Variants in GANAB observed in about 807,000 individuals in gnomAD.
The protein encoded by GANAB is glucosidase II alpha subunit.
GANAB carries 35 observed loss-of-function variants against 129.9 expected under a neutral mutation model. The ratio of observed to expected loss-of-function variants is 0.27; its 90% CI spans 0.21 to 0.36. The LOEUF (loss-of-function observed/expected upper bound fraction) is 0.36. Ranked by LOEUF, GANAB falls within the 10% of genes least tolerant of loss-of-function variation. The probability of loss-of-function intolerance (pLI) is 1.00; values close to 1 mark genes in which losing one functional copy is unlikely to be tolerated. For missense variants in GANAB, 939 were observed against 1,221.0 expected (o/e 0.77, Z 3.44); for synonymous variants, 482 against 451.8 (o/e 1.07, Z -0.85).
chr11:62,634,936 T>C lies in GANAB; in HGVS notation c.445A>G (p.Ile149Val). ...CGGAATGGCCGTGCTGTCAAGATGATCTTGTAGGGTCCCTCAGCCATGGTT... is the reference window on the plus strand; with the variant it reads ...CGGAATGGCCGTGCTGTCAAGATGACCTTGTAGGGTCCCTCAGCCATGGTT... ...ELTMAEGPYK[I>V]ILTARPFRLD... Residue 149 changes from isoleucine (I) to valine (V), a missense_variant, in exon 5 of 24, where the codon ATC becomes GTC. Around this residue, in one of 5 missense-constraint regions of GANAB, gnomAD observed 321 missense variants for 329.1 expected, o/e 0.98. Transcript: ENST00000356638. 1 of 1,613,836 alleles carries C rather than the reference T, an allele frequency of 6.2e-7. No individual in the cohort carries two copies. Among genetic ancestry groups the C allele is most frequent in the Non-Finnish European group, 8.5e-7 (1 of 1,179,706 alleles).
intron 9 of GANAB, among the ~76,000 whole-genome samples, chr11:62,631,609 C>G (rs866606212): frequency 6.6e-5 from 10 of 151,242 alleles, no homozygotes; most frequent in South Asian, 6.3e-4. Context: ...ACTACAGGCG[C>G]ACACCACCAC....
In GANAB at chr11:62,626,424, A is replaced by G. The variant is rs1943377858; in HGVS notation, c.2535T>C (p.Phe845=). 2 of 1,612,686 alleles carry G rather than the reference A, an allele frequency of 1.2e-6. No homozygotes were observed. Among genetic ancestry groups the G allele is most frequent in the African/African-American group, 1.3e-5 (1 of 74,880 alleles). ...SPQGTAQGEL[F]LDDGHTFNYQ... ...AGTTGAACGTGTGCCCATCATCCAG[A>G]AAGAGCTCTCCTTGAGCTGTACCCT... The change falls in exon 22 of 24, where the codon TTT becomes TTC. Residue 845 remains phenylalanine (F), a synonymous_variant. Coordinates refer to ENST00000356638, the MANE Select transcript of GANAB (RefSeq NM_198334.3).
At position 62,632,727 on chromosome 11, in the gene GANAB, G is replaced by A; in HGVS notation, c.834C>T (p.Arg278=). 6.2e-7 allele frequency: 1 copy of A among 1,613,606 alleles called. No homozygotes were observed. Among genetic ancestry groups the A allele is most frequent in the Non-Finnish European group, 8.5e-7 (1 of 1,179,708 alleles). ...ACTGGAACACATCCAAATTGTAGAG[G>A]CGATATGGCTCCCCACCCCTGCAGG... ...LKVTEGGEPY[R]LYNLDVFQYE... Residue 278 remains arginine (R), a synonymous_variant, in exon 9 of 24, where the codon CGC becomes CGT. Coordinates refer to ENST00000356638, the MANE Select transcript of GANAB (RefSeq NM_198334.3).
chr11:62,646,483 G>A (rs987661534), intron 1 of GANAB, 79 bp downstream of exon 1: 7 of 1,507,298 alleles, frequency 4.6e-6, no homozygotes, highest in South Asian at 3.4e-5. Context: ...AGTGTCAAGA[G>A]ACACACAGGA....
intron 8 of GANAB, 100 bp from the exon 9 acceptor site, chr11:62,632,845 C>T: frequency 9.2e-7 from 1 of 1,087,772 alleles, no homozygotes; most frequent in Non-Finnish European, 1.4e-6. Context: ...GCAAAGGCTC[C>T]TCTTGTCCTT....
Position 62,633,489 on chromosome 11 carries a change from C to T in GANAB, c.586G>A (p.Gly196Ser), listed in dbSNP as rs1187131367. 1.9e-6 allele frequency: 3 copies of T among 1,613,954 alleles called. No homozygotes were observed. The highest frequency in any genetic ancestry group is 2.2e-5 in the East Asian group (1 of 44,884). ...GTTTCCTCAGGCTGGGCCCCATCGCCCTCAGCTGGGTCTTTTGATCCTTGC... is the reference window on the plus strand; with the variant it reads ...GTTTCCTCAGGCTGGGCCCCATCGCTCTCAGCTGGGTCTTTTGATCCTTGC... ...VSQGSKDPAE[G>S]DGAQPEETPR... The change falls in exon 6 of 24, where the codon GGC becomes AGC. Residue 196 changes from glycine to serine, a missense_variant. By Grantham distance (56) the Gly-to-Ser change is moderately conservative. Transcript: ENST00000356638.
intron 1 of GANAB, among the ~76,000 whole-genome samples, chr11:62,645,833 G>C (rs1227917561): frequency 1.3e-5 from 2 of 152,206 alleles, no homozygotes; most frequent in Non-Finnish European, 2.9e-5. Flanking sequence ...TCGCTTTGGA[G>C]AGTACACGCC....
chr11:62,630,180 G>T lies in GANAB; in HGVS notation c.1593+17C>A. Reference sequence around the variant, plus strand: ...TGGAACAGACAGACGCAGGTCATGGGGAGAGGCCTTCCCTACCTCATAATT... The same window carrying T: ...TGGAACAGACAGACGCAGGTCATGGTGAGAGGCCTTCCCTACCTCATAATT... On this transcript the variant is annotated intron_variant, in intron 13 of 23. Coordinates refer to ENST00000356638, the MANE Select transcript of GANAB (RefSeq NM_198334.3). 1.3e-6 allele frequency: 2 copies of T among 1,580,406 alleles called. No homozygotes were observed. The highest frequency in any genetic ancestry group is 1.7e-6 in the Non-Finnish European group (2 of 1,151,082).
At chr11:62,643,455 T>C (rs1340498797) in intron 1 of GANAB, among the ~76,000 whole-genome samples, 1 of 151,574 alleles carries the variant, frequency 6.6e-6, no homozygotes, top group South Asian at 2.1e-4. Context: ...CTGGCCAACA[T>C]GATGAAACCC....
chr11:62,631,011 G>A lies in GANAB; in HGVS notation c.1150+19C>T, dbSNP rs934747530. Reference sequence around the variant, plus strand: ...CGACAAGAAAAGAGCAGAAGAATGAGGCAGGGAAAACCATGTACCTGTGAG... The same window carrying A: ...CGACAAGAAAAGAGCAGAAGAATGAAGCAGGGAAAACCATGTACCTGTGAG... On this transcript the variant is annotated intron_variant, in intron 10 of 23. Transcript: ENST00000356638. 3.1e-6 allele frequency: 5 copies of A among 1,588,488 alleles called. No homozygotes were observed. The highest frequency in any genetic ancestry group is 4.3e-6 in the Non-Finnish European group (5 of 1,159,796).
chr11:62,631,265 C>T (rs750380349), intron 9 of GANAB, 82 bp from the exon 10 acceptor site: 277 of 1,312,784 alleles, frequency 2.1e-4, no homozygotes, highest in Non-Finnish European at 2.8e-4. Context: ...CAATTTTCTC[C>T]CAGAGTCCAC....
chr11:62,630,930 T>C, intron 10 of GANAB, 94 bp from the exon 11 acceptor site: 1 of 1,478,314 alleles, frequency 6.8e-7, no homozygotes, highest in South Asian at 1.2e-5. Flanking sequence ...GGCTGAGGGG[T>C]ATAAACCTAG....
Position 62,629,902 on chromosome 11 carries a change from T to G in GANAB, c.1649A>C (p.Asn550Thr). 1 of 1,614,088 alleles carries G rather than the reference T, an allele frequency of 6.2e-7. No individual in the cohort carries two copies. Among genetic ancestry groups the G allele is most frequent in the Non-Finnish European group, 8.5e-7 (1 of 1,179,952 alleles). ...CTTGAGCATGGTGACCTCAGGACCATTGAACACAGATGGTTCGTTCATGTC... is the reference window on the plus strand; with the variant it reads ...CTTGAGCATGGTGACCTCAGGACCAGTGAACACAGATGGTTCGTTCATGTC... ...WNDMNEPSVFNGPEVTMLKDA... is the reference protein window; with the variant it reads ...WNDMNEPSVFTGPEVTMLKDA... The change falls in exon 14 of 24, where the codon AAT becomes ACT. Residue 550 changes from asparagine (N) to threonine (T), a missense_variant. Asn to Thr is a moderately conservative substitution (Grantham distance 65, BLOSUM62 0). Transcript: ENST00000356638.
chr11:62,630,899 G>A (rs1305237166), intron 10 of GANAB, 63 bp from the exon 11 acceptor site: 4 of 1,510,732 alleles, frequency 2.6e-6, no homozygotes, highest in Admixed American at 1.7e-5. Context: ...GAAACTGAGG[G>A]AGGCTTGTGA....
At chr11:62,634,243 C>CCG in intron 5 of GANAB, 1 of 1,091,472 alleles carries the variant, frequency 9.2e-7, no homozygotes, top group Non-Finnish European at 1.4e-6. Flanking sequence ...CACCTCCCCC[C>CCG]AAAGGCTAGA....
At chr11:62,631,245 CA>C in intron 9 of GANAB, 62 bp from the exon 10 acceptor site, 3 of 1,441,928 alleles carry the variant, frequency 2.1e-6, no homozygotes, top group South Asian at 2.9e-5. Flanking sequence ...AACCCCAAGA[CA>C]AAAAGTAGCA....
Position 62,632,594 on chromosome 11 carries a change from C to G in GANAB, c.967G>C (p.Val323Leu). ...IFWLNAAETW[V>L]DISSNTAGKT... Reference sequence around the variant, plus strand: ...CCGGCAGTGTTGGAAGATATATCAACCCAGGTCTCTGCAGCATTGAGCCAG... The same window carrying G: ...CCGGCAGTGTTGGAAGATATATCAAGCCAGGTCTCTGCAGCATTGAGCCAG... Residue 323 changes from valine to leucine, a missense_variant, in exon 9 of 24, where the codon GTT (valine) becomes CTT (leucine). Physicochemically the swap from Val to Leu is conservative, Grantham distance 32. Around this residue, in one of 5 missense-constraint regions of GANAB, gnomAD observed 220 missense variants for 295.9 expected, o/e 0.74. Transcript: ENST00000356638. 1.9e-6 allele frequency: 3 copies of G among 1,613,992 alleles called. No individual in the cohort carries two copies. Among genetic ancestry groups the G allele is most frequent in the Non-Finnish European group, 2.5e-6 (3 of 1,179,944 alleles).
chr11:62,633,562 G>A (rs538531304), intron 5 of GANAB, 48 bp from the exon 6 acceptor site: 4 of 1,532,962 alleles, frequency 2.6e-6, no homozygotes, highest in African/African-American at 2.7e-5. Context: ...GGGCAGGGAC[G>A]AGGGGCTAGT....
chr11:62,629,008 A>G lies in GANAB; in HGVS notation c.1941T>C (p.Asp647=), dbSNP rs1943534429. The part of the protein sequence containing the change: ...GLVGLSFCGA[D]VGGFFKNPEP... Reference sequence around the variant, plus strand: ...CTGGGTTTTTGAAGAAGCCACCCACATCCGCTGGTAGAGGAGAGAGAGGAA... The same window carrying G: ...CTGGGTTTTTGAAGAAGCCACCCACGTCCGCTGGTAGAGGAGAGAGAGGAA... Residue 647 remains aspartate (D), a synonymous_variant, in exon 17 of 24, where the codon GAT becomes GAC. Transcript: ENST00000356638. 6.2e-7 allele frequency: 1 copy of G among 1,612,410 alleles called. No homozygotes were observed. Among genetic ancestry groups the G allele is most frequent in the African/African-American group, 1.3e-5 (1 of 74,890 alleles).
Sources: allele counts gnomAD v4.1 joint callset (sites outside exome capture counted in the v4.1 genomes callset), GRCh38; gene constraint gnomAD v4.1.1; regional missense constraint gnomAD v4.1.1; transcripts MANE v1.5; gene names NCBI Gene and HGNC (gene_info 2026-07-23, HGNC 2026-07-21).